SAMMSON: variants seen among roughly 807,000 people sequenced by gnomAD.
SAMMSON encodes the protein long intergenic non-protein coding RNA 1212.
At chr3:70,176,046 A>G (rs900079302) in intron 4 of SAMMSON, among the ~76,000 whole-genome samples, 3 of 152,156 alleles carry the variant, frequency 2.0e-5, no homozygotes, top group Non-Finnish European at 4.4e-5. Flanking sequence ...TCCATGCCTT[A>G]GGGATTCAGA....
chr3:70,154,848 G>A (rs903413974), intron 4 of SAMMSON, among the ~76,000 whole-genome samples: 1 of 151,970 alleles, frequency 6.6e-6, no homozygotes, highest in Non-Finnish European at 1.5e-5. Flanking sequence ...ATCCTATGGA[G>A]AGGGGCATCC....
At chr3:70,107,196 G>A (rs1273208613) in intron 4 of SAMMSON, among the ~76,000 whole-genome samples, 2 of 152,142 alleles carry the variant, frequency 1.3e-5, no homozygotes, top group South Asian at 2.1e-4. Flanking sequence ...CAAAAGAAAC[G>A]GAGGGAAAGC....
intron 2 of SAMMSON, among the ~76,000 whole-genome samples, chr3:70,430,982 A>T (rs1403524495): frequency 6.6e-6 from 1 of 152,092 alleles, no homozygotes; most frequent in South Asian, 2.1e-4. Flanking sequence ...TATTTCAACT[A>T]TTCAGTGGTT....
chr3:70,124,814 CAAAAAAAAAAA>C (rs1208323683), intron 4 of SAMMSON, among the ~76,000 whole-genome samples: 3 of 53,692 alleles, frequency 5.6e-5, no homozygotes, highest in African/African-American at 7.3e-5. Flanking sequence ...GACTCCATCT[CAAAAAAAAAAA>C]AAAAAAAAAA....
At chr3:70,018,326 T>C (rs1355230592) in intron 3 of SAMMSON, among the ~76,000 whole-genome samples, 9 of 152,136 alleles carry the variant, frequency 5.9e-5, no homozygotes, top group African/African-American at 2.2e-4. Flanking sequence ...GTGTATGTGC[T>C]GAGGAATTTA....
chr3:70,267,431 C>T (rs192001886), intron 6 of SAMMSON, among the ~76,000 whole-genome samples: 42 of 116,204 alleles, frequency 3.6e-4, no homozygotes, highest in African/African-American at 1.3e-3. Context: ...GAGCGGGAGT[C>T]TCGCTCTGTC....
At chr3:70,050,218 C>T (rs557944105) in intron 3 of SAMMSON, among the ~76,000 whole-genome samples, 5 of 152,196 alleles carry the variant, frequency 3.3e-5, no homozygotes, top group South Asian at 2.1e-4. Flanking sequence ...TCTTTCTACT[C>T]GATTAAAAAT....
chr3:70,367,227 G>A (rs1175593600), intron 9 of SAMMSON, among the ~76,000 whole-genome samples: 1 of 151,416 alleles, frequency 6.6e-6, no homozygotes, highest in Non-Finnish European at 1.5e-5. Flanking sequence ...GACAACTATA[G>A]TCACCCTATT....
chr3:70,280,025 G>A (rs1018092473), intron 6 of SAMMSON, among the ~76,000 whole-genome samples: 1 of 152,182 alleles, frequency 6.6e-6, no homozygotes, highest in East Asian at 1.9e-4. Flanking sequence ...GAGGCCAGAA[G>A]TGTGAAGTCA....
At chr3:70,287,451 TCA>T (rs1702178080) in intron 6 of SAMMSON, among the ~76,000 whole-genome samples, 2 of 151,854 alleles carry the variant, frequency 1.3e-5, no homozygotes, top group Non-Finnish European at 2.9e-5. Context: ...GCTGCTGGAT[TCA>T]TTTTGCCAGT....
chr3:70,401,405 GC>G (rs1228723780), intron 2 of SAMMSON, among the ~76,000 whole-genome samples: 1 of 152,034 alleles, frequency 6.6e-6, no homozygotes, highest in Non-Finnish European at 1.5e-5. Context: ...CTTACATAAG[GC>G]AATTACTAGC....
intron 4 of SAMMSON, among the ~76,000 whole-genome samples, chr3:70,187,205 G>A (rs750630859): frequency 3.3e-5 from 5 of 152,142 alleles, no homozygotes; most frequent in African/African-American, 4.8e-5. Context: ...TCTGCATCTT[G>A]CATACATTGA....
At chr3:70,152,956 C>T (rs1434450732) in intron 4 of SAMMSON, among the ~76,000 whole-genome samples, 1 of 152,032 alleles carries the variant, frequency 6.6e-6, no homozygotes, top group Non-Finnish European at 1.5e-5. Context: ...TGGTCTGAAG[C>T]ATTCACAGTC....
At chr3:70,277,036 T>C (rs976302997) in intron 6 of SAMMSON, among the ~76,000 whole-genome samples, 1 of 152,198 alleles carries the variant, frequency 6.6e-6, no homozygotes, top group African/African-American at 2.4e-5. Flanking sequence ...CATTCATGGA[T>C]AATTACCAAA....
intron 4 of SAMMSON, among the ~76,000 whole-genome samples, chr3:70,247,267 G>A (rs1701716236): frequency 1.3e-5 from 2 of 151,972 alleles, no homozygotes; most frequent in African/African-American, 4.8e-5. Flanking sequence ...CAGATGCAAG[G>A]TGAAATTTGA....
chr3:70,164,911 C>T (rs2067630910), intron 4 of SAMMSON, among the ~76,000 whole-genome samples: 1 of 152,046 alleles, frequency 6.6e-6, no homozygotes, highest in Admixed American at 6.6e-5. Context: ...AACTTACAAA[C>T]TGCTTCTTTG....
chr3:70,222,205 G>C (rs1327292749), intron 4 of SAMMSON, among the ~76,000 whole-genome samples: 1 of 152,164 alleles, frequency 6.6e-6, no homozygotes, highest in Non-Finnish European at 1.5e-5. Context: ...CAGGTGAACA[G>C]TCAGAGCCTT....
rs540420535 is a variant in SAMMSON at position 70,009,955 on chromosome 3, G to T, written n.23-2402G>T. ...TCCATGTAGTTGAGTGGTTTTGAGT[G>T]AATTTCTTAATCCTGAGTTCTAGTT... On this transcript the variant is annotated intron_variant and non_coding_transcript_variant, in intron 1 of 9. Transcript: ENST00000642114. 1.2e-4 allele frequency among the ~76,000 whole-genome samples: 17 copies of T among 147,300 alleles called. No individual in the cohort carries two copies. In the South Asian group the frequency reaches 3.6e-3, roughly 31 times the overall value.
At chr3:70,008,233 G>C (rs573937822) in intron 1 of SAMMSON, among the ~76,000 whole-genome samples, 1 of 152,084 alleles carries the variant, frequency 6.6e-6, no homozygotes, top group East Asian at 1.9e-4. Context: ...AAATTACCTT[G>C]GGCAGTATGG....
Sources: gnomAD v4.1 joint callset for allele counts (sites outside exome capture counted in the v4.1 genomes callset) on GRCh38, gnomAD v4.1.1 for gene constraint, MANE v1.5 for transcripts, NCBI Gene and HGNC (gene_info 2026-07-23, HGNC 2026-07-21) for gene names.